The following ARFGAP1 variants were observed in gnomAD, a reference collection of about 807,000 sequenced individuals.
ARFGAP1 encodes ARF GTPase activating protein 1, also known as ADP-ribosylation factor GTPase-activating protein 1.
Under a neutral mutation model 54.0 loss-of-function variants are expected in ARFGAP1, and 26 were observed. The ratio of observed to expected loss-of-function variants is 0.48; its 90% CI spans 0.35 to 0.67. The LOEUF (loss-of-function observed/expected upper bound fraction) is 0.67, where lower values mean the gene tolerates loss of function less well. ARFGAP1 is among the 30% of genes least tolerant of loss of function. The pLI, the probability that ARFGAP1 is intolerant of heterozygous loss-of-function variation, is 0.00. For synonymous variants in ARFGAP1, 248 were observed against 211.9 expected, an observed-to-expected ratio of 1.17 and a Z score of -1.48; for missense variants, 525 against 535.8, an observed-to-expected ratio of 0.98 and a Z score of 0.20.
At chr20:63,277,435 C>G in intron 5 of ARFGAP1, 130 bp downstream of exon 5, 1 of 806,098 alleles carries the variant, frequency 1.2e-6, no homozygotes, top group Non-Finnish European at 1.8e-6. Flanking sequence ...GTGGGAAAAA[C>G]AGCTTTTTAA....
At chr20:63,286,562 T>A in intron 12 of ARFGAP1, 120 bp downstream of exon 12, 1 of 990,666 alleles carries the variant, frequency 1.0e-6, no homozygotes, top group Admixed American at 2.4e-5. Context: ...CTGTGGAGGC[T>A]CTCCGGGAGG....
chr20:63,278,008 T>A (rs1243813180), intron 5 of ARFGAP1, 109 bp from the exon 6 acceptor site: 1 of 949,886 alleles, frequency 1.1e-6, no homozygotes, highest in Non-Finnish European at 1.7e-6. Flanking sequence ...CTCTCAGGGG[T>A]GACGTGAAGG....
At chr20:63,285,932 C>G in intron 11 of ARFGAP1, 1 of 1,485,332 alleles carries the variant, frequency 6.7e-7, no homozygotes. Flanking sequence ...TGTCACTTCT[C>G]CCTCTGCTCT....
At position 63,284,601 on chromosome 20, in the gene ARFGAP1, T is replaced by C. The variant is rs543128684; in HGVS notation, c.718-265T>C. 3.8e-4 allele frequency: 502 copies of C among 1,317,766 alleles called. 8 individuals carry two copies. In the South Asian group the frequency reaches 6.6e-3, roughly 17 times the overall value. The allele number at this position is 1,317,766 out of a possible 1,614,324, so 81.6% of individuals were successfully genotyped here. Reference sequence around the variant, plus strand: ...ACCAGCCCGGCCCGGCAGGGCCGCATGGTGGCGCGTGAGGGAGGACCCTGG... The same window carrying C: ...ACCAGCCCGGCCCGGCAGGGCCGCACGGTGGCGCGTGAGGGAGGACCCTGG... On this transcript the variant is annotated intron_variant, in intron 9 of 12. Transcript: ENST00000370283.
rs374929557 is a variant in ARFGAP1, at chr20:63,277,246, A to G, written c.384A>G (p.Ser128=). 40 of 1,612,954 alleles carry G rather than the reference A, an allele frequency of 2.5e-5. No individual in the cohort carries two copies. Among genetic ancestry groups the G allele is most frequent in the Non-Finnish European group, 2.4e-5 (28 of 1,179,926 alleles). ...LAEGREWSLE[S]SPAQNWTPPQ... is the part of the protein sequence containing the mutation. ...AAGGCAGAGAGTGGTCTCTGGAGTCATCACCTGCCCAGAACTGGACCCCAC... is the reference window on the plus strand; with the variant it reads ...AAGGCAGAGAGTGGTCTCTGGAGTCGTCACCTGCCCAGAACTGGACCCCAC... Residue 128 remains serine (S), a synonymous_variant, in exon 5 of 13, where the codon TCA becomes TCG. Transcript: ENST00000370283.
intron 9 of ARFGAP1, chr20:63,283,739 G>T (rs373557357): frequency 8.5e-7 from 1 of 1,170,202 alleles, no homozygotes; most frequent in Non-Finnish European, 1.2e-6. Flanking sequence ...GAGCCTGCCC[G>T]GTGCTGCCTT....
At chr20:63,283,955 G>T in intron 9 of ARFGAP1, 1 of 1,596,648 alleles carries the variant, frequency 6.3e-7, no homozygotes. Flanking sequence ...TGTCCCTCCT[G>T]CGTGCTGCCA....
chr20:63,276,759 T>C lies in ARFGAP1; in HGVS notation c.342+108T>C. The C allele has an allele frequency of 7.7e-7, 1 of 1,300,602 alleles. No homozygotes were observed. The highest frequency in any genetic ancestry group is 1.0e-6 in the Non-Finnish European group (1 of 964,122). 80.6% of individuals were successfully genotyped at this position (1,300,602 alleles called of 1,614,324 possible). A position where few individuals can be genotyped will look rare whatever the true frequency, so the allele number is the denominator to read the frequency against. ...TTCTGGAGTCGGTTCTTCTGCTGGT[T>C]CTGACACACCCACTGGGCCACACAC... On this transcript the variant is annotated intron_variant, in intron 4 of 12. Transcript: ENST00000370283. The surrounding 1 kb of genome is among the most constrained non-coding windows in gnomAD (Gnocchi z 5.2).
rs772856915 is a variant in ARFGAP1 at position 63,285,721 on chromosome 20, G to C, written c.834+8G>C. ...TCTCAGTTGGCGTCCAAGGTAGGGA[G>C]CCTGCCAGATACGCGGGCACAGTCG... On this transcript the variant is annotated splice_region_variant and intron_variant, in intron 11 of 12. Coordinates refer to ENST00000370283, the MANE Select transcript of ARFGAP1 (RefSeq NM_018209.4). The C allele has an allele frequency of 3.8e-5, 62 of 1,613,056 alleles. No individual in the cohort carries two copies. Among genetic ancestry groups the C allele is most frequent in the Non-Finnish European group, 5.1e-5 (60 of 1,179,654 alleles).
chr20:63,279,223 G>A, intron 7 of ARFGAP1: 1 of 620,764 alleles, frequency 1.6e-6, no homozygotes, highest in Non-Finnish European at 2.9e-6. Flanking sequence ...TTTTAAGACG[G>A]AGTCTTGCTT....
intron 12 of ARFGAP1, chr20:63,286,857 T>C (rs925209007): frequency 1.5e-5 from 3 of 198,838 alleles, no homozygotes; most frequent in Middle Eastern, 4.8e-4. Context: ...ATGGAGCAGG[T>C]CGGGGGCCAG....
chr20:63,283,756 G>GCGGCACCCCATGGTGGGTT, intron 9 of ARFGAP1: 2 of 1,409,790 alleles, frequency 1.4e-6, no homozygotes, highest in Non-Finnish European at 2.0e-6. Flanking sequence ...CCTTAGTGTT[G>GCGGCACCCCATGGTGGGTT]CGGCACCCCA....
intron 11 of ARFGAP1, chr20:63,285,941 C>T (rs1433682775): frequency 1.3e-5 from 20 of 1,494,702 alleles, no homozygotes; most frequent in Non-Finnish European, 1.8e-5. Flanking sequence ...TCCCTCTGCT[C>T]TTATCTTGCT....
Position 63,287,903 on chromosome 20 carries a change from C to T in ARFGAP1, c.*30C>T. ...CACTGCGCCCCCGTCCCCAGCGCCC[C>T]CGGGCGACTTCGTGTTTGCACTCTG... is the stretch of plus-strand genomic sequence containing the variant. On this transcript the variant is annotated 3_prime_UTR_variant, in exon 13 of 13. Transcript: ENST00000370283. 6.8e-7 allele frequency: 1 copy of T among 1,476,082 alleles called. No individual in the cohort carries two copies. Among genetic ancestry groups the T allele is most frequent in the Non-Finnish European group, 9.0e-7 (1 of 1,113,396 alleles). 91.4% of individuals were successfully genotyped at this position (1,476,082 alleles called of 1,614,324 possible).
intron 9 of ARFGAP1, chr20:63,284,511 AG>A: frequency 1.7e-6 from 2 of 1,143,742 alleles, no homozygotes; most frequent in South Asian, 4.6e-5. Context: ...GAGGCGTTGC[AG>A]GTCAGCATGG....
chr20:63,280,509 T>C (rs2067351990), intron 7 of ARFGAP1, among the ~76,000 whole-genome samples: 1 of 152,238 alleles, frequency 6.6e-6, no homozygotes. Flanking sequence ...GTCTGTTAAC[T>C]GGAAATAAGC....
rs535203374 is a variant in ARFGAP1, at chr20:63,275,877, C to G, written c.61-214C>G. 6.8e-4 allele frequency among the ~76,000 whole-genome samples: 104 copies of G among 152,340 alleles called. 1 individual carries two copies. Among genetic ancestry groups the G allele is most frequent in the African/African-American group, 2.3e-3 (96 of 41,574 alleles). On this transcript the variant is annotated intron_variant, in intron 2 of 12. Coordinates refer to ENST00000370283, the MANE Select transcript of ARFGAP1 (RefSeq NM_018209.4). The stretch of plus-strand genomic sequence containing the variant: ...GGGGTGGGGGCGCCTCCACATTTCT[C>G]AGGTCACTCGCTCTAAGGACAGGTC...
At chr20:63,283,913 G>A (rs772622303) in intron 9 of ARFGAP1, 25 of 1,611,238 alleles carry the variant, frequency 1.6e-5, no homozygotes, top group East Asian at 4.5e-5. Flanking sequence ...CATGCCGCCC[G>A]CATCTCCGCC....
intron 1 of ARFGAP1, 108 bp downstream of exon 1, chr20:63,273,028 A>G (rs1432263082): frequency 6.6e-6 from 1 of 151,052 alleles, no homozygotes; most frequent in Non-Finnish European, 1.5e-5. Flanking sequence ...CTCCACCCGG[A>G]CCCCGCTCCA....
Sources: gnomAD v4.1 joint callset for allele counts (sites outside exome capture counted in the v4.1 genomes callset) on GRCh38, gnomAD v4.1.1 for gene constraint, Gnocchi (gnomAD v3.1) non-coding constraint, MANE v1.5 for transcripts, NCBI Gene and HGNC (gene_info 2026-07-23, HGNC 2026-07-21) for gene names.